Variants in SPIRE2 observed in about 807,000 individuals in gnomAD.
SPIRE2 encodes the protein spire type actin nucleation factor 2, also known as protein spire homolog 2.
SPIRE2 carries 76 observed loss-of-function variants against 80.7 expected under a neutral mutation model. The observed-to-expected ratio is 0.94, with a 90% CI of 0.78 to 1.14. SPIRE2 has a LOEUF of 1.14. SPIRE2 is among the 50% of genes most tolerant of loss of function. The pLI is 0.00. For synonymous variants in SPIRE2, 535 were observed against 432.6 expected (o/e 1.24, Z -2.94); for missense variants, 1,196 against 1,015.3 (o/e 1.18, Z -2.42).
At chr16:89,836,207 T>G (rs763327928) in intron 1 of SPIRE2, 2 of 455,902 alleles carry the variant, frequency 4.4e-6, no homozygotes, top group Non-Finnish European at 4.4e-6. Context: ...TAGGTTATTC[T>G]CTTACAGTTG....
chr16:89,829,102 G>C (rs1462485480), intron 1 of SPIRE2, among the ~76,000 whole-genome samples: 1 of 152,252 alleles, frequency 6.6e-6, no homozygotes, highest in Non-Finnish European at 1.5e-5. Flanking sequence ...CTCCGGGAGA[G>C]GGACTTGGGC....
chr16:89,852,733 C>A (rs1162474443), intron 3 of SPIRE2, among the ~76,000 whole-genome samples: 3 of 84,376 alleles, frequency 3.6e-5, no homozygotes, highest in Non-Finnish European at 4.8e-5. Flanking sequence ...TCTCACCCCC[C>A]GGATCCCATG....
Sources: gnomAD v4.1 joint callset for allele counts (sites outside exome capture counted in the v4.1 genomes callset) on GRCh38, gnomAD v4.1.1 for gene constraint, MANE v1.5 for transcripts, NCBI Gene and HGNC (gene_info 2026-07-23, HGNC 2026-07-21) for gene names.